FRMD3: variants seen among roughly 807,000 people sequenced by gnomAD.
The protein encoded by FRMD3 is FERM domain containing 3.
FRMD3 carries 33 observed loss-of-function variants against 70.2 expected under a neutral mutation model. The ratio of observed to expected loss-of-function variants is 0.47; its 90% CI spans 0.36 to 0.63. The LOEUF (loss-of-function observed/expected upper bound fraction) is 0.63. Among genes scored for constraint, FRMD3 ranks in the 20% least tolerant of loss-of-function variants. The probability of loss-of-function intolerance (pLI) is 0.00; values close to 1 mark genes in which losing one functional copy is unlikely to be tolerated. For missense variants in FRMD3, 632 were observed against 711.4 expected (o/e 0.89, Z 1.27); for synonymous variants, 279 against 255.9 (o/e 1.09, Z -0.86).
chr9:83,381,021 A>G (rs1490967800), intron 2 of FRMD3, among the ~76,000 whole-genome samples: 7 of 152,116 alleles, frequency 4.6e-5, no homozygotes, highest in Non-Finnish European at 8.8e-5. Context: ...CATGCAGCCA[A>G]TTTATGTCAT....
intron 10 of FRMD3, among the ~76,000 whole-genome samples, chr9:83,307,931 G>A (rs1263547756): frequency 2.0e-5 from 3 of 152,218 alleles, no homozygotes; most frequent in African/African-American, 7.2e-5. Flanking sequence ...GTGGGTGAAG[G>A]CTTCTAGACA....
chr9:83,358,194 C>T (rs889779569), intron 3 of FRMD3, among the ~76,000 whole-genome samples: 1 of 152,170 alleles, frequency 6.6e-6, no homozygotes, highest in Non-Finnish European at 1.5e-5. Flanking sequence ...ACAGGGTGTC[C>T]TTTCCCCACT....
intron 1 of FRMD3, among the ~76,000 whole-genome samples, chr9:83,533,239 T>A (rs1294379548): frequency 6.6e-6 from 1 of 152,192 alleles, no homozygotes; most frequent in Non-Finnish European, 1.5e-5. Context: ...CCTCTTTGAA[T>A]CTCATTTTCC....
At chr9:83,451,386 A>C (rs1827650465) in intron 1 of FRMD3, among the ~76,000 whole-genome samples, 1 of 77,564 alleles carries the variant, frequency 1.3e-5, no homozygotes. Flanking sequence ...ACAAATACAT[A>C]CATCACACAC....
intron 1 of FRMD3, among the ~76,000 whole-genome samples, chr9:83,469,916 G>A (rs372520636): frequency 2.6e-5 from 4 of 152,192 alleles, no homozygotes; most frequent in Non-Finnish European, 4.4e-5. Context: ...TCTTACGCAC[G>A]TTTGAATTCC....
chr9:83,572,150 T>TA, the FRMD3 span, among the ~76,000 whole-genome samples: 1 of 86,002 alleles, frequency 1.2e-5, no homozygotes, highest in African/African-American at 1.1e-4. Context: ...TTTTTTGAGG[T>TA]GTGTGTGTGT....
At chr9:83,569,290 G>A in the FRMD3 span, among the ~76,000 whole-genome samples, 1 of 152,304 alleles carries the variant, frequency 6.6e-6, no homozygotes, top group African/African-American at 2.4e-5. Context: ...TCTACTTAAG[G>A]AAGAAAATTT....
At chr9:83,379,893 T>C (rs1164733234) in intron 2 of FRMD3, among the ~76,000 whole-genome samples, 6 of 152,182 alleles carry the variant, frequency 3.9e-5, no homozygotes, top group Non-Finnish European at 8.8e-5. Flanking sequence ...CCCTATGAGA[T>C]TGAGCCCAAA....
At chr9:83,291,567 G>GTC (rs113797673) in intron 12 of FRMD3, among the ~76,000 whole-genome samples, 5,370 of 149,608 alleles carry the variant, frequency 0.036, 181 homozygotes, top group African/African-American at 0.096. Context: ...AATGCACACA[G>GTC]TCTCTCTCTC....
At chr9:83,481,057 A>G (rs1828557396) in intron 1 of FRMD3, among the ~76,000 whole-genome samples, 1 of 152,224 alleles carries the variant, frequency 6.6e-6, no homozygotes, top group African/African-American at 2.4e-5. Context: ...AAAATTAAAT[A>G]GAAAGAAAAG....
At position 83,537,928 on chromosome 9, in the gene FRMD3, C is replaced by A. The variant is rs970521706; in HGVS notation, c.147+157G>T. On this transcript the variant is annotated intron_variant, in intron 1 of 13. Coordinates refer to ENST00000304195, the MANE Select transcript of FRMD3 (RefSeq NM_174938.6). The surrounding 1 kb of genome is among the most constrained non-coding windows in gnomAD (Gnocchi z 4.1). ...ATGCCCCTCCATGCCAGGATAAGGC[C>A]CCCCACCCTCAGAGGCCTGAGGAAT... Among the ~76,000 whole-genome samples, 18 of 152,088 alleles carry A rather than the reference C, an allele frequency of 1.2e-4. 1 individual carries two copies.
intron 4 of FRMD3, among the ~76,000 whole-genome samples, chr9:83,347,270 T>C (rs1011311173): frequency 6.6e-6 from 1 of 151,964 alleles, no homozygotes; most frequent in African/African-American, 2.4e-5. Context: ...CTGAGTCTTG[T>C]AAATGGTTTC....
intron 3 of FRMD3, among the ~76,000 whole-genome samples, chr9:83,369,945 AT>A (rs776667912): frequency 4.6e-5 from 7 of 151,804 alleles, no homozygotes; most frequent in East Asian, 3.9e-4. Context: ...CACAAACATG[AT>A]TTTTTTTTAA....
chr9:83,373,107 T>C, intron 2 of FRMD3, 152 bp from the exon 3 acceptor site: 1 of 660,600 alleles, frequency 1.5e-6, no homozygotes, highest in Non-Finnish European at 2.7e-6. Context: ...CATAAACAAC[T>C]TGGCAATAAT....
chr9:83,332,781 A>C (rs1204564523), intron 6 of FRMD3, among the ~76,000 whole-genome samples: 1 of 152,208 alleles, frequency 6.6e-6, no homozygotes, highest in Admixed American at 6.5e-5. Context: ...GAATCCTCTC[A>C]GGAAGTCTTC....
At chr9:83,556,885 T>G in the FRMD3 span, among the ~76,000 whole-genome samples, 170 of 152,212 alleles carry the variant, frequency 1.1e-3, 1 homozygote, top group African/African-American at 4.0e-3. Context: ...TTCAATAATT[T>G]TTATCTTGTC....
chr9:83,440,262 C>T (rs748244602), intron 1 of FRMD3, among the ~76,000 whole-genome samples: 1 of 152,224 alleles, frequency 6.6e-6, no homozygotes. Context: ...ACCAAACTGT[C>T]ATTTAGATTA....
At chr9:83,451,368 A>G (rs7866764) in intron 1 of FRMD3, among the ~76,000 whole-genome samples, 2,221 of 143,186 alleles carry the variant, frequency 0.016, 50 homozygotes, top group African/African-American at 0.054. Context: ...ACACACACAC[A>G]CAAGCACACA....
chr9:83,407,861 CTCTCTCTCTCTCATCTT>C (rs1826158824), intron 1 of FRMD3, among the ~76,000 whole-genome samples: 9 of 129,980 alleles, frequency 6.9e-5, no homozygotes, highest in East Asian at 4.3e-4. Context: ...CTCTCTCTCT[CTCTCTCTCTCTCATCTT>C]TCTCTCTCTC....
Sources: gnomAD v4.1 joint callset for allele counts (sites outside exome capture counted in the v4.1 genomes callset) on GRCh38, gnomAD v4.1.1 for gene constraint, Gnocchi (gnomAD v3.1) non-coding constraint, MANE v1.5 for transcripts, NCBI Gene and HGNC (gene_info 2026-07-23, HGNC 2026-07-21) for gene names.